Variants in PLXNA3 observed in about 807,000 individuals in gnomAD.
PLXNA3 encodes the protein plexin-A3.
A neutral mutation model predicts 118.8 loss-of-function variants in PLXNA3; 52 were observed. That is an observed-to-expected ratio of 0.44 (90% CI 0.35 to 0.55). The LOEUF is 0.55. Ranked by LOEUF, PLXNA3 falls within the 20% of genes least tolerant of loss-of-function variation. The probability of loss-of-function intolerance (pLI) is 0.01; values close to 1 mark genes in which losing one functional copy is unlikely to be tolerated. For synonymous variants in PLXNA3, 925 were observed against 762.4 expected, an observed-to-expected ratio of 1.21 and a Z score of -3.51; for missense variants, 1,660 against 1,730.8, an observed-to-expected ratio of 0.96 and a Z score of 0.73.
chrX:154,459,782 GT>G (rs2068905415), intron 1 of PLXNA3, among the ~76,000 whole-genome samples: 1 of 112,897 alleles, frequency 8.9e-6, no homozygotes, highest in Non-Finnish European at 1.9e-5. Flanking sequence ...CGATTATTCT[GT>G]GCCTGCCTCC....
intron 2 of PLXNA3, 110 bp from the exon 3 acceptor site, chrX:154,460,988 TG>T: frequency 2.6e-6 from 2 of 774,344 alleles, no homozygotes; most frequent in Non-Finnish European, 1.9e-6. Context: ...CTTTCTGGCC[TG>T]GGCCTCTGTG....
Position 154,467,070 on chromosome X carries a change from A to G in PLXNA3, c.3121A>G (p.Ile1041Val). The G allele has an allele frequency of 8.3e-7, 1 of 1,209,399 alleles. No homozygotes were observed. Among genetic ancestry groups the G allele is most frequent in the Non-Finnish European group, 1.1e-6 (1 of 894,029 alleles). ...TWSIINGSTA[I>V]TVSGTHLLTV... Reference sequence around the variant, plus strand: ...CCCTGTCCCTAGTGGAAGCACTGCCATCACTGTGAGTGGGACCCACCTGCT... The same window carrying G: ...CCCTGTCCCTAGTGGAAGCACTGCCGTCACTGTGAGTGGGACCCACCTGCT... The change falls in exon 18 of 33, where the codon ATC becomes GTC. Residue 1041 changes from isoleucine to valine, a missense_variant. By Grantham distance (29) the Ile-to-Val change is conservative (BLOSUM62 3). This residue lies in a region of PLXNA3 where 869 missense variants were observed against 1,078.7 expected (regional missense o/e 0.81). Coordinates refer to ENST00000369682, the MANE Select transcript of PLXNA3 (RefSeq NM_017514.5).
At chrX:154,469,255 C>T (rs782539658) in intron 26 of PLXNA3, 40 bp downstream of exon 26, 1 of 1,184,054 alleles carries the variant, frequency 8.4e-7, no homozygotes, top group South Asian at 1.8e-5. Context: ...CCACTCATAC[C>T]CTCCTGTGCC....
chrX:154,460,897 C>A, intron 2 of PLXNA3, 120 bp downstream of exon 2: 1 of 646,013 alleles, frequency 1.5e-6, no homozygotes, highest in Non-Finnish European at 2.3e-6. Flanking sequence ...AGACAGGTTG[C>A]GGAGGGTGGG....
In PLXNA3 at chrX:154,467,528, T is replaced by C. The variant is rs781941380; in HGVS notation, c.3442-17T>C. 8.6e-7 allele frequency: 1 copy of C among 1,167,906 alleles called. No homozygotes were observed. Among genetic ancestry groups the C allele is most frequent in the Non-Finnish European group, 1.1e-6 (1 of 873,918 alleles). Reference sequence around the variant, plus strand: ...GAAAGTGGAGAGTCCTGGGCTGAAGTTGTCCTCCACCCCCAGGGCAAGAAC... The same window carrying C: ...GAAAGTGGAGAGTCCTGGGCTGAAGCTGTCCTCCACCCCCAGGGCAAGAAC... On this transcript the variant is annotated splice_polypyrimidine_tract_variant and intron_variant, in intron 19 of 32. Coordinates refer to ENST00000369682, the MANE Select transcript of PLXNA3 (RefSeq NM_017514.5).
Position 154,460,700 on chromosome X carries a change from G to A in PLXNA3, c.517G>A (p.Gly173Ser), listed in dbSNP as rs145737831. ...GCTGTTTGTGGGCACTGCTGTCGAC[G>A]GCAAGTCGGAGTACTTCCCCACCTT... ...SKLFVGTAVD[G>S]KSEYFPTLSS... is the part of the protein sequence containing the mutation. Residue 173 changes from glycine (G) to serine (S), a missense_variant, in exon 2 of 33, where the codon GGC (glycine) becomes AGC (serine). Gly to Ser is a moderately conservative substitution (Grantham distance 56). Around this residue, in one of 2 missense-constraint regions of PLXNA3, gnomAD observed 791 missense variants for 652.1 expected, o/e 1.21. Transcript: ENST00000369682. 2.1e-5 allele frequency: 24 copies of A among 1,145,639 alleles called. No homozygotes were observed. In the Middle Eastern group the frequency reaches 7.3e-4, roughly 35 times the overall value. The allele number at this position is 1,145,639 out of a possible 1,213,427, so 94.4% of individuals were successfully genotyped here. A position where few individuals can be genotyped will look rare whatever the true frequency, so the allele number is the denominator to read the frequency against.
intron 4 of PLXNA3, among the ~76,000 whole-genome samples, chrX:154,462,709 C>T (rs1207511138): frequency 1.8e-5 from 2 of 111,905 alleles, no homozygotes; most frequent in East Asian, 5.6e-4. Context: ...TGCCCCTGCC[C>T]TCTCCTTGGC....
At chrX:154,471,687 G>T (rs782261803) in intron 32 of PLXNA3, 49 bp downstream of exon 32, 16 of 1,132,233 alleles carry the variant, frequency 1.4e-5, no homozygotes, top group Admixed American at 4.5e-5. Context: ...TGAAGGTGCA[G>T]CCAGTGACAA....
chrX:154,468,431 G>A lies in PLXNA3; in HGVS notation c.4092G>A (p.Val1364=). Reference sequence around the variant, plus strand: ...TCTCCATGCGCGACCGCGGCACCGTGGCCTCGCTCACCATGGTGGCCCTGC... The same window carrying A: ...TCTCCATGCGCGACCGCGGCACCGTAGCCTCGCTCACCATGGTGGCCCTGC... The part of the protein sequence containing the change: ...SSFSMRDRGT[V]ASLTMVALQS... Residue 1364 remains valine (V), a synonymous_variant, in exon 23 of 33, where the codon GTG becomes GTA. Transcript: ENST00000369682. 3 of 1,211,226 alleles carry A rather than the reference G, an allele frequency of 2.5e-6. No individual in the cohort carries two copies. The Middle Eastern group carries it at 6.9e-4, about 278-fold the overall frequency.
rs781864027 is a variant in PLXNA3 at position 154,465,642 on chromosome X, C to T, written c.2342-15C>T. ...CCACTGCCTGCTCCGTCAGCAGTGCCTTCTGTGCCTGCAGCCCTCCTGTAC... is the reference window on the plus strand; with the variant it reads ...CCACTGCCTGCTCCGTCAGCAGTGCTTTCTGTGCCTGCAGCCCTCCTGTAC... On this transcript the variant is annotated splice_polypyrimidine_tract_variant and intron_variant, in intron 12 of 32. Coordinates refer to ENST00000369682, the MANE Select transcript of PLXNA3 (RefSeq NM_017514.5). 2.5e-6 allele frequency: 3 copies of T among 1,206,710 alleles called. No individual in the cohort carries two copies. The highest frequency in any genetic ancestry group is 3.4e-6 in the Non-Finnish European group (3 of 891,881).
In PLXNA3 at chrX:154,467,623, C is replaced by A. The variant is rs372624416; in HGVS notation, c.3520C>A (p.Leu1174Ile). The A allele has an allele frequency of 3.4e-5, 41 of 1,208,276 alleles. No individual in the cohort carries two copies. The highest frequency in any genetic ancestry group is 4.5e-5 in the Non-Finnish European group (40 of 894,671). The stretch of plus-strand genomic sequence containing the variant: ...GCTGATAGGAGGCCAGCCGTGTTCG[C>A]TCACTGTCTCGGACACACAACTCCT... Reference protein sequence around the residue: ...TVLIGGQPCSLTVSDTQLLCD... With the variant: ...TVLIGGQPCSITVSDTQLLCD... Residue 1174 changes from leucine to isoleucine, a missense_variant, in exon 20 of 33, where the codon CTC becomes ATC. Leu to Ile is a conservative substitution (Grantham distance 5). This residue lies in a region of PLXNA3 where 869 missense variants were observed against 1,078.7 expected (regional missense o/e 0.81). Coordinates refer to ENST00000369682, the MANE Select transcript of PLXNA3 (RefSeq NM_017514.5).
chrX:154,462,154 T>C lies in PLXNA3; in HGVS notation c.1161T>C (p.Cys387=). ...NTPMQINGNF[C]GLVLNQPLGG... ...CCATGCAGATCAACGGCAACTTCTG[T>C]GGGCTGGTGTTGAACCAGCCTCTGG... Residue 387 remains cysteine, a synonymous_variant, in exon 4 of 33, where the codon TGT becomes TGC. Transcript: ENST00000369682. The C allele has an allele frequency of 8.3e-7, 1 of 1,199,046 alleles. No individual in the cohort carries two copies. Among genetic ancestry groups the C allele is most frequent in the South Asian group, 1.8e-5 (1 of 55,451 alleles).
rs782236993 is a variant in PLXNA3 at position 154,465,983 on chromosome X, G to A, written c.2581G>A (p.Val861Met). ...GGAAGGAGGCACCCGGGTCACCATC[G>A]TGGGTGAGAACCTGGGCCTCTTGTC... is the stretch of plus-strand genomic sequence containing the variant. ...PKEGGTRVTI[V>M]GENLGLLSRE... Residue 861 changes from valine (V) to methionine (M), a missense_variant, in exon 14 of 33, where the codon GTG becomes ATG. Physicochemically the swap from Val to Met is conservative, Grantham distance 21 (BLOSUM62 1). Around this residue, in one of 2 missense-constraint regions of PLXNA3, gnomAD observed 869 missense variants for 1,078.7 expected, o/e 0.81. Coordinates refer to ENST00000369682, the MANE Select transcript of PLXNA3 (RefSeq NM_017514.5). 2.1e-5 allele frequency: 25 copies of A among 1,209,986 alleles called. No homozygotes were observed. Among genetic ancestry groups the A allele is most frequent in the South Asian group, 3.5e-5 (2 of 56,839 alleles).
chrX:154,467,434 T>C lies in PLXNA3; in HGVS notation c.3404T>C (p.Val1135Ala), dbSNP rs1569554565. 1 of 1,194,546 alleles carries C rather than the reference T, an allele frequency of 8.4e-7. No homozygotes were observed. Among genetic ancestry groups the C allele is most frequent in the East Asian group, 3.0e-5 (1 of 33,245 alleles). Residue 1135 changes from valine to alanine, a missense_variant, in exon 19 of 33, where the codon GTG (valine) becomes GCG (alanine). Coordinates refer to ENST00000369682, the MANE Select transcript of PLXNA3 (RefSeq NM_017514.5). ...PSFEPLGPSG[V>A]LDVKPGSHVV... is the part of the protein sequence containing the mutation. The stretch of plus-strand genomic sequence containing the variant: ...TTTGAGCCGCTGGGGCCCTCTGGCG[T>C]GCTGGACGTCAAACCGGGCTCCCAC...
chrX:154,468,915 A>G lies in PLXNA3; in HGVS notation c.4380A>G (p.Arg1460=), dbSNP rs370340901. 14 of 1,210,064 alleles carry G rather than the reference A, an allele frequency of 1.2e-5. No homozygotes were observed. The African/African-American group carries it at 2.3e-4, about 20-fold the overall frequency. The change falls in exon 25 of 33, where the codon CGA becomes CGG. Residue 1460 remains arginine, a synonymous_variant. Coordinates refer to ENST00000369682, the MANE Select transcript of PLXNA3 (RefSeq NM_017514.5). ...TTGATGCCATCACGGGCGAGGCACG[A>G]TACTCCCTGAGCGAGGACAAGCTCA... The part of the protein sequence containing the change: ...GPIDAITGEA[R]YSLSEDKLIR...
chrX:154,466,977 G>A, intron 17 of PLXNA3, 80 bp from the exon 18 acceptor site: 3 of 977,746 alleles, frequency 3.1e-6, no homozygotes, highest in Non-Finnish European at 1.4e-6. Flanking sequence ...GGCCTGGGCT[G>A]CCATGGCAGC....
chrX:154,466,061 G>A lies in PLXNA3; in HGVS notation c.2659G>A (p.Glu887Lys), dbSNP rs782345575. 6 of 1,209,221 alleles carry A rather than the reference G, an allele frequency of 5.0e-6. No individual in the cohort carries two copies. The highest frequency in any genetic ancestry group is 6.7e-6 in the Non-Finnish European group (6 of 893,989). Reference sequence around the variant, plus strand: ...CGTGCGTTGCAACTCCATTCCGGCCGAGTACATCAGTGCTGAGAGGTGAGT... The same window carrying A: ...CGTGCGTTGCAACTCCATTCCGGCCAAGTACATCAGTGCTGAGAGGTGAGT... ...AGVRCNSIPA[E>K]YISAERIVCE... The change falls in exon 14 of 33, where the codon GAG becomes AAG. Residue 887 changes from glutamate to lysine, a missense_variant. By Grantham distance (56) the Glu-to-Lys change is moderately conservative (BLOSUM62 1). This residue lies in a region of PLXNA3 where 869 missense variants were observed against 1,078.7 expected (regional missense o/e 0.81). Coordinates refer to ENST00000369682, the MANE Select transcript of PLXNA3 (RefSeq NM_017514.5).
rs782274788 is a variant in PLXNA3 at position 154,468,702 on chromosome X, C to A, written c.4260C>A (p.Phe1420Leu). 3 of 1,211,760 alleles carry A rather than the reference C, an allele frequency of 2.5e-6. No individual in the cohort carries two copies. Among genetic ancestry groups the A allele is most frequent in the Non-Finnish European group, 3.3e-6 (3 of 895,561 alleles). ...SVAEKMLTNW[F>L]TFLLHKFLKE... Reference sequence around the variant, plus strand: ...CTGAGAAGATGCTTACCAACTGGTTCACGTTCCTGCTGCATAAGTTTCTGA... The same window carrying A: ...CTGAGAAGATGCTTACCAACTGGTTAACGTTCCTGCTGCATAAGTTTCTGA... Residue 1420 changes from phenylalanine (F) to leucine (L), a missense_variant, in exon 24 of 33, where the codon TTC becomes TTA. Phe to Leu is a conservative substitution (Grantham distance 22, BLOSUM62 0). Around this residue, in one of 2 missense-constraint regions of PLXNA3, gnomAD observed 869 missense variants for 1,078.7 expected, o/e 0.81. Transcript: ENST00000369682.
chrX:154,463,634 C>A lies in PLXNA3; in HGVS notation c.1491C>A (p.Cys497Ter). The A allele has an allele frequency of 8.3e-7, 1 of 1,205,226 alleles. No individual in the cohort carries two copies. The highest frequency in any genetic ancestry group is 1.1e-6 in the Non-Finnish European group (1 of 893,744). Reference sequence around the variant, plus strand: ...AGACCTGTGAGCAGTACCAGAGCTGCGCAGCCTGCCTGGGCTCCGGGGACC... The same window carrying A: ...AGACCTGTGAGCAGTACCAGAGCTGAGCAGCCTGCCTGGGCTCCGGGGACC... Reference protein sequence around the residue: ...PVETCEQYQSCAACLGSGDPH... With the variant: ...PVETCEQYQS Residue 497 changes from cysteine (C) to a stop codon, truncating the protein, a stop_gained, in exon 6 of 33, where the codon TGC (cysteine) becomes TGA (stop). Coordinates refer to ENST00000369682, the MANE Select transcript of PLXNA3 (RefSeq NM_017514.5). LOFTEE classifies it high-confidence loss of function.
Sources: allele counts gnomAD v4.1 joint callset (sites outside exome capture counted in the v4.1 genomes callset), GRCh38; gene constraint gnomAD v4.1.1; regional missense constraint gnomAD v4.1.1; transcripts MANE v1.5; gene names NCBI Gene and HGNC (gene_info 2026-07-23, HGNC 2026-07-21).